Variants in PGM2L1 observed in about 807,000 individuals in gnomAD.
The protein encoded by PGM2L1 is glucose 1,6-bisphosphate synthase.
PGM2L1 carries 35 observed loss-of-function variants against 73.4 expected under a neutral mutation model. That is an observed-to-expected ratio of 0.48 (90% confidence interval 0.36 to 0.63). The LOEUF (loss-of-function observed/expected upper bound fraction) is 0.63. Among genes scored for constraint, PGM2L1 ranks in the 30% least tolerant of loss-of-function variants. The probability of loss-of-function intolerance (pLI) is 0.00; values close to 1 mark genes in which losing one functional copy is unlikely to be tolerated. For synonymous variants in PGM2L1, 225 were observed against 253.8 expected (o/e 0.89, Z 1.08); for missense variants, 570 against 742.0 (o/e 0.77, Z 2.69).
chr11:74,336,627 A>C lies in PGM2L1; in HGVS notation c.*25T>G. On this transcript the variant is annotated 3_prime_UTR_variant, in exon 14 of 14. Coordinates refer to ENST00000298198, the MANE Select transcript of PGM2L1 (RefSeq NM_173582.6). ...GTTGCTCTGTTCCATATGCCCACAC[A>C]GTGTCATGACATATTGGTGTACCCC... 2.0e-6 allele frequency: 3 copies of C among 1,489,762 alleles called. No homozygotes were observed. The highest frequency in any genetic ancestry group is 2.8e-6 in the Non-Finnish European group (3 of 1,081,776). 92.3% of individuals were successfully genotyped at this position (1,489,762 alleles called of 1,614,324 possible).
At position 74,336,417 on chromosome 11, in the gene PGM2L1, TA is replaced by T. The variant is rs141931414; in HGVS notation, c.*234del. 2,203 of 305,028 alleles carry T rather than the reference TA, an allele frequency of 7.2e-3. 49 individuals are homozygous for T. Among genetic ancestry groups the T allele is most frequent in the African/African-American group, 0.044 (2,041 of 46,302 alleles). The allele number at this position is 305,028 out of a possible 1,614,324, so 18.9% of individuals were successfully genotyped here. ...ATACGTTACTATAATACTTTTAGTG[TA>T]ATAACTTTTGTTTGAATTATGAAAA... On this transcript the variant is annotated 3_prime_UTR_variant, in exon 14 of 14. Coordinates refer to ENST00000298198, the MANE Select transcript of PGM2L1 (RefSeq NM_173582.6).
At chr11:74,355,752 T>C in intron 5 of PGM2L1, 1 of 481,000 alleles carries the variant, frequency 2.1e-6, no homozygotes, top group Non-Finnish European at 4.2e-6. Flanking sequence ...AAGCTTAGCA[T>C]GAGAGGAGAG....
intron 4 of PGM2L1, among the ~76,000 whole-genome samples, chr11:74,370,622 A>C (rs758645407): frequency 6.6e-6 from 1 of 152,186 alleles, no homozygotes; most frequent in Non-Finnish European, 1.5e-5. Flanking sequence ...TCTATCCTTC[A>C]TCATTTTTGT....
chr11:74,366,284 C>T lies in PGM2L1; in HGVS notation c.555+2208G>A, dbSNP rs554342188. Among the ~76,000 whole-genome samples the T allele has an allele frequency of 2.6e-5, 4 of 150,976 alleles. No individual in the cohort carries two copies. The East Asian group carries it at 5.9e-4, about 22-fold the overall frequency. On this transcript the variant is annotated intron_variant, in intron 5 of 13. Coordinates refer to ENST00000298198, the MANE Select transcript of PGM2L1 (RefSeq NM_173582.6). ...GTAAATGATGAGTTAATGGGTGCAGCACACCAACATGGCACATGTATACAT... is the reference window on the plus strand; with the variant it reads ...GTAAATGATGAGTTAATGGGTGCAGTACACCAACATGGCACATGTATACAT...
rs756021506 is a variant in PGM2L1, at chr11:74,370,866, C to T, written c.471+36G>A. 5 of 1,508,900 alleles carry T rather than the reference C, an allele frequency of 3.3e-6. No homozygotes were observed. The African/African-American group carries it at 6.9e-5, about 21-fold the overall frequency. The allele number at this position is 1,508,900 out of a possible 1,614,324, so 93.5% of individuals were successfully genotyped here. On this transcript the variant is annotated intron_variant, in intron 4 of 13. Transcript: ENST00000298198. ...TTGATTTAAGAAATGTTTTCAAGAG[C>T]AGCAAGCTATATGATCACCAACACA...
chr11:74,343,232 T>G, intron 10 of PGM2L1, 91 bp downstream of exon 10: 22 of 1,437,692 alleles, frequency 1.5e-5, no homozygotes, highest in Non-Finnish European at 2.0e-5. Context: ...CAACTCAAAA[T>G]ATGAAACCAG....
At chr11:74,361,178 C>T (rs971368843) in intron 5 of PGM2L1, among the ~76,000 whole-genome samples, 16 of 152,190 alleles carry the variant, frequency 1.1e-4, no homozygotes, top group Non-Finnish European at 2.4e-4. Flanking sequence ...CTCACACGGC[C>T]GGGTACCCCT....
chr11:74,383,824 A>AATATATAT (rs377358856), intron 1 of PGM2L1, among the ~76,000 whole-genome samples: 2,893 of 121,798 alleles, frequency 0.024, 186 homozygotes, highest in African/African-American at 0.093. Context: ...TATATAAATA[A>AATATATAT]ATATATATAT....
chr11:74,336,635 G>A lies in PGM2L1; in HGVS notation c.*17C>T. 6.5e-7 allele frequency: 1 copy of A among 1,546,866 alleles called. No individual in the cohort carries two copies. Among genetic ancestry groups the A allele is most frequent in the Non-Finnish European group, 8.9e-7 (1 of 1,128,486 alleles). On this transcript the variant is annotated 3_prime_UTR_variant, in exon 14 of 14. Coordinates refer to ENST00000298198, the MANE Select transcript of PGM2L1 (RefSeq NM_173582.6). Reference sequence around the variant, plus strand: ...GTTCCATATGCCCACACAGTGTCATGACATATTGGTGTACCCCTAAACAGA... The same window carrying A: ...GTTCCATATGCCCACACAGTGTCATAACATATTGGTGTACCCCTAAACAGA...
At chr11:74,358,622 C>T (rs969946953) in intron 5 of PGM2L1, among the ~76,000 whole-genome samples, 3 of 152,238 alleles carry the variant, frequency 2.0e-5, no homozygotes, top group African/African-American at 4.8e-5. Flanking sequence ...GGTGCAGTGG[C>T]TGACACCTGT....
intron 1 of PGM2L1, among the ~76,000 whole-genome samples, chr11:74,385,215 A>G (rs761256195): frequency 6.6e-6 from 1 of 152,230 alleles, no homozygotes. Context: ...AAATCTTTCT[A>G]TCCTACAACA....
chr11:74,345,185 T>C (rs1862243476), intron 9 of PGM2L1, among the ~76,000 whole-genome samples: 1 of 152,206 alleles, frequency 6.6e-6, no homozygotes, highest in Non-Finnish European at 1.5e-5. Flanking sequence ...CCAGGAGCTA[T>C]ATTTTCCCTG....
chr11:74,394,016 C>CT (rs1265473011), intron 1 of PGM2L1, among the ~76,000 whole-genome samples: 1 of 151,784 alleles, frequency 6.6e-6, no homozygotes, highest in East Asian at 1.9e-4. Context: ...TGACTTAGCC[C>CT]TAGAGCATAG....
intron 5 of PGM2L1, among the ~76,000 whole-genome samples, chr11:74,359,298 AACAG>A (rs1413140841): frequency 3.3e-5 from 5 of 151,830 alleles, no homozygotes; most frequent in Non-Finnish European, 5.9e-5. Context: ...TCTTTTTTGA[AACAG>A]AGTTTCACTC....
chr11:74,374,356 A>T, intron 2 of PGM2L1, 59 bp downstream of exon 2: 1 of 1,398,496 alleles, frequency 7.2e-7, no homozygotes, highest in Non-Finnish European at 9.7e-7. Context: ...TGCTGGGATT[A>T]CAGGCATGAG....
At chr11:74,351,919 G>A (rs563318228) in intron 5 of PGM2L1, among the ~76,000 whole-genome samples, 42 of 149,396 alleles carry the variant, frequency 2.8e-4, no homozygotes, top group Non-Finnish European at 4.9e-4. Context: ...CTGAGATAGC[G>A]CCACCACACT....
At chr11:74,347,370 A>G (rs763005727) in intron 6 of PGM2L1, 33 bp from the exon 7 acceptor site, 6 of 1,478,818 alleles carry the variant, frequency 4.1e-6, no homozygotes, top group Non-Finnish European at 5.5e-6. Context: ...GATCATGATT[A>G]CAAAACCTCT....
rs547652950 is a variant in PGM2L1, at chr11:74,355,553, C to CAAA, written c.556-3980_556-3978dup. The CAAA allele has an allele frequency of 2.8e-3, 315 of 114,006 alleles. 2 individuals are homozygous for CAAA. The highest frequency in any genetic ancestry group is 4.2e-3 in the South Asian group (63 of 14,908). The allele number at this position is 114,006 out of a possible 1,614,324, so 7.1% of individuals were successfully genotyped here. ...TGGGCGACAGAGCGAGACTCCGTCTCAAAAAAAAAAAAAAAAAAAAAAAAA... is the reference window on the plus strand; with the variant it reads ...TGGGCGACAGAGCGAGACTCCGTCTCAAAAAAAAAAAAAAAAAAAAAAAAAAAA... On this transcript the variant is annotated intron_variant, in intron 5 of 13. Coordinates refer to ENST00000298198, the MANE Select transcript of PGM2L1 (RefSeq NM_173582.6).
chr11:74,345,533 A>G lies in PGM2L1; in HGVS notation c.1154T>C (p.Leu385Ser), dbSNP rs1354121585. The change falls in exon 9 of 14, where the codon TTA becomes TCA. Residue 385 changes from leucine to serine, a missense_variant. Physicochemically the swap from Leu to Ser is moderately radical, Grantham distance 145. Transcript: ENST00000298198. ...RNADVKNVYM[L>S]ATTVSSKILK... ...AATTTTAGAAGAGACTGTGGTGGCT[A>G]ACATATAAACGTTCTTCACATCAGC... 1.9e-6 allele frequency: 3 copies of G among 1,613,480 alleles called. No individual in the cohort carries two copies. Among genetic ancestry groups the G allele is most frequent in the Admixed American group, 1.7e-5 (1 of 60,012 alleles).
Sources: allele counts gnomAD v4.1 joint callset (sites outside exome capture counted in the v4.1 genomes callset), GRCh38; gene constraint gnomAD v4.1.1; transcripts MANE v1.5; gene names NCBI Gene and HGNC (gene_info 2026-07-23, HGNC 2026-07-21).